Variants in WDFY4 observed in about 807,000 individuals in gnomAD.
The protein encoded by WDFY4 is WDFY family member 4.
A neutral mutation model predicts 351.9 loss-of-function variants in WDFY4; 169 were observed. The ratio of observed to expected loss-of-function variants is 0.48; its 90% confidence interval spans 0.42 to 0.55. WDFY4 has a LOEUF of 0.55. WDFY4 is among the 20% of genes least tolerant of loss of function. The pLI is 0.00. For missense variants in WDFY4, 3,803 were observed against 3,935.6 expected (o/e 0.97, Z 0.90); for synonymous variants, 1,622 against 1,574.6 (o/e 1.03, Z -0.71).
At chr10:48,747,542 G>A (rs1015628717) in intron 12 of WDFY4, among the ~76,000 whole-genome samples, 1 of 151,168 alleles carries the variant, frequency 6.6e-6, no homozygotes, top group African/African-American at 2.4e-5. Flanking sequence ...TCATCTCTTT[G>A]TCTCTCTGTA....
intron 51 of WDFY4, among the ~76,000 whole-genome samples, chr10:48,955,324 T>C (rs947056301): frequency 6.6e-6 from 1 of 152,226 alleles, no homozygotes; most frequent in African/African-American, 2.4e-5. Flanking sequence ...CTTGAGTCAG[T>C]GTCCCTGTCC....
At chr10:48,921,194 G>A (rs1048641604) in intron 47 of WDFY4, among the ~76,000 whole-genome samples, 3 of 152,046 alleles carry the variant, frequency 2.0e-5, no homozygotes, top group Admixed American at 6.5e-5. Flanking sequence ...TAGAGTTGGA[G>A]GATTATGTGT....
chr10:48,959,647 A>C, intron 52 of WDFY4, 75 bp from the exon 53 acceptor site: 2 of 1,318,884 alleles, frequency 1.5e-6, no homozygotes, highest in Non-Finnish European at 2.1e-6. Flanking sequence ...ATCCTGGGCA[A>C]TGTGTATTTT....
chr10:48,738,304 G>C (rs1017703197), intron 11 of WDFY4, among the ~76,000 whole-genome samples: 1 of 152,244 alleles, frequency 6.6e-6, no homozygotes, highest in Non-Finnish European at 1.5e-5. Flanking sequence ...TGGAGTGTCA[G>C]CCCTTGGGCA....
intron 1 of WDFY4, among the ~76,000 whole-genome samples, chr10:48,699,754 T>A (rs1194331047): frequency 6.6e-6 from 1 of 152,232 alleles, no homozygotes; most frequent in Admixed American, 6.5e-5. Flanking sequence ...TTTTTGTTTT[T>A]GTCCTCTTGG....
intron 59 of WDFY4, 117 bp from the exon 60 acceptor site, chr10:48,978,192 G>C (rs1438265325): frequency 2.1e-6 from 2 of 938,294 alleles, no homozygotes; most frequent in Non-Finnish European, 3.1e-6. Flanking sequence ...TGAAAGGGGG[G>C]CCATGTGTTC....
chr10:48,889,068 A>C (rs2070583055), intron 43 of WDFY4, among the ~76,000 whole-genome samples: 1 of 152,248 alleles, frequency 6.6e-6, no homozygotes, highest in Non-Finnish European at 1.5e-5. Flanking sequence ...CACCTGGATG[A>C]ATGAATAAAA....
intron 15 of WDFY4, among the ~76,000 whole-genome samples, 154 bp from the exon 16 acceptor site, chr10:48,776,596 G>A (rs982816289): frequency 2.0e-5 from 3 of 152,214 alleles, no homozygotes; most frequent in Non-Finnish European, 4.4e-5. Context: ...CGGGCTGGGG[G>A]CCAGGGAGCC....
Position 48,939,781 on chromosome 10 carries a change from G to A in WDFY4, c.7587-2025G>A, listed in dbSNP as rs375229471. On this transcript the variant is annotated intron_variant, in intron 47 of 61. Coordinates refer to ENST00000325239, the MANE Select transcript of WDFY4 (RefSeq NM_001394531.1). ...GTGTCCTGGAACTGCTGGTAATGGCGTCTTTCTCTGATGGTACCAGAAATA... is the reference window on the plus strand; with the variant it reads ...GTGTCCTGGAACTGCTGGTAATGGCATCTTTCTCTGATGGTACCAGAAATA... Among the ~76,000 whole-genome samples, 50 of 152,284 alleles carry A rather than the reference G, an allele frequency of 3.3e-4. 1 individual carries two copies. The highest frequency in any genetic ancestry group is 1.3e-3 in the Admixed American group (20 of 15,304).
chr10:48,891,021 G>A (rs1289877619), intron 44 of WDFY4, among the ~76,000 whole-genome samples: 2 of 152,174 alleles, frequency 1.3e-5, no homozygotes, highest in East Asian at 3.9e-4. Flanking sequence ...GAATTCAGTC[G>A]CCGTCAACTT....
chr10:48,892,102 A>G (rs1391319580), intron 44 of WDFY4, among the ~76,000 whole-genome samples: 2 of 152,192 alleles, frequency 1.3e-5, no homozygotes, highest in Admixed American at 1.3e-4. Flanking sequence ...GATACTGATC[A>G]ATATGGACAA....
At chr10:48,857,034 C>T (rs576455628) in intron 39 of WDFY4, among the ~76,000 whole-genome samples, 1 of 152,280 alleles carries the variant, frequency 6.6e-6, no homozygotes, top group South Asian at 2.1e-4. Flanking sequence ...GTTTACTTTG[C>T]TCACTTTCAA....
In WDFY4 at chr10:48,831,498, G is replaced by A. The variant is rs979731474; in HGVS notation, c.6526+613G>A. ...TGTACATCTTCCAGAATCACAAAAT[G>A]TGCAGTGATTCAAGAGTTAGTTATT... On this transcript the variant is annotated intron_variant, in intron 38 of 61. Coordinates refer to ENST00000325239, the MANE Select transcript of WDFY4 (RefSeq NM_001394531.1). 3.3e-5 allele frequency among the ~76,000 whole-genome samples: 5 copies of A among 152,280 alleles called. No individual in the cohort carries two copies. In the South Asian group the frequency reaches 6.2e-4, roughly 19 times the overall value.
intron 47 of WDFY4, among the ~76,000 whole-genome samples, chr10:48,902,319 C>T (rs959851907): frequency 4.6e-5 from 7 of 152,174 alleles, no homozygotes; most frequent in African/African-American, 1.4e-4. Context: ...GGCGTCTCTC[C>T]CAGTGAATGA....
At chr10:48,814,703 A>G (rs1363625871) in intron 31 of WDFY4, among the ~76,000 whole-genome samples, 4 of 152,230 alleles carry the variant, frequency 2.6e-5, no homozygotes, top group Non-Finnish European at 1.5e-5. Flanking sequence ...GCCTGATTGT[A>G]TGGGGAAACT....
intron 39 of WDFY4, among the ~76,000 whole-genome samples, chr10:48,848,136 C>T (rs1454925739): frequency 1.3e-5 from 2 of 152,182 alleles, no homozygotes; most frequent in Non-Finnish European, 2.9e-5. Flanking sequence ...TGAGCCCCGA[C>T]CATAGCTTGC....
intron 47 of WDFY4, among the ~76,000 whole-genome samples, chr10:48,924,197 C>G (rs986725630): frequency 6.6e-6 from 1 of 152,184 alleles, no homozygotes; most frequent in Non-Finnish European, 1.5e-5. Context: ...GAACTTCCAC[C>G]CTTTCTGCGC....
intron 44 of WDFY4, among the ~76,000 whole-genome samples, chr10:48,895,645 T>C (rs17011395): frequency 0.059 from 9,032 of 152,318 alleles, 501 homozygotes; most frequent in African/African-American, 0.15. Flanking sequence ...TGTGTCCAGA[T>C]GATGAAAAGC....
At chr10:48,923,726 T>A (rs1458108668) in intron 47 of WDFY4, among the ~76,000 whole-genome samples, 3 of 151,992 alleles carry the variant, frequency 2.0e-5, no homozygotes, top group Non-Finnish European at 4.4e-5. Context: ...GTCCTCAAGT[T>A]GAAATAGTTC....
Sources: gnomAD v4.1 joint callset for allele counts (sites outside exome capture counted in the v4.1 genomes callset) on GRCh38, gnomAD v4.1.1 for gene constraint, MANE v1.5 for transcripts, NCBI Gene and HGNC (gene_info 2026-07-23, HGNC 2026-07-21) for gene names.